TENM4: variants seen among roughly 807,000 people sequenced by gnomAD.
TENM4 encodes teneurin-4.
In TENM4, 82 loss-of-function variants were observed where a neutral mutation model predicts 243.3. The observed-to-expected ratio is 0.34, with a 90% CI of 0.28 to 0.40. TENM4 has a LOEUF of 0.40. Among genes scored for constraint, TENM4 ranks in the 10% least tolerant of loss-of-function variants. TENM4 has a pLI of 1.00. For missense variants in TENM4, 3,138 were observed against 3,673.3 expected (o/e 0.85, Z 3.77); for synonymous variants, 1,412 against 1,456.3 (o/e 0.97, Z 0.69).
intron 3 of TENM4, among the ~76,000 whole-genome samples, chr11:79,172,331 T>C (rs1323984203): frequency 6.6e-6 from 1 of 152,200 alleles, no homozygotes; most frequent in Admixed American, 6.5e-5. Flanking sequence ...ATCAGCCCAC[T>C]ACAGCCTCCT....
chr11:79,176,731 G>C (rs1863165241), intron 3 of TENM4, among the ~76,000 whole-genome samples: 1 of 152,038 alleles, frequency 6.6e-6, no homozygotes, highest in African/African-American at 2.4e-5. Context: ...ACAGTATTTA[G>C]TATATAGTAA....
At chr11:78,684,780 C>CT (rs1038646262) in intron 29 of TENM4, among the ~76,000 whole-genome samples, 18 of 152,290 alleles carry the variant, frequency 1.2e-4, no homozygotes, top group African/African-American at 3.6e-4. Context: ...ATATGCGGTA[C>CT]TATATGAGGT....
intron 19 of TENM4, among the ~76,000 whole-genome samples, chr11:78,746,112 C>T (rs1856046015): frequency 6.6e-6 from 1 of 152,198 alleles, no homozygotes. Context: ...TAGTCTCCTT[C>T]AGATTGACAG....
chr11:79,202,152 T>A (rs1364377880), intron 3 of TENM4, among the ~76,000 whole-genome samples: 2 of 152,164 alleles, frequency 1.3e-5, no homozygotes, highest in East Asian at 3.9e-4. Context: ...CTGCCTCCTG[T>A]AGACACTGGT....
chr11:79,066,619 T>C (rs1009371134), intron 5 of TENM4, among the ~76,000 whole-genome samples: 13 of 146,604 alleles, frequency 8.9e-5, no homozygotes, highest in South Asian at 2.2e-4. Flanking sequence ...CACACACACG[T>C]GCGCACACAC....
At chr11:78,896,855 T>G (rs1200465295) in intron 7 of TENM4, among the ~76,000 whole-genome samples, 1 of 152,126 alleles carries the variant, frequency 6.6e-6, no homozygotes, top group Non-Finnish European at 1.5e-5. Flanking sequence ...TGTCTGTGCT[T>G]CAGATTCTTC....
intron 9 of TENM4, among the ~76,000 whole-genome samples, chr11:78,866,251 T>C (rs188585721): frequency 3.5e-4 from 53 of 152,266 alleles, no homozygotes; most frequent in Admixed American, 3.0e-3. Context: ...TACAGACGAA[T>C]CAGATATATG....
At chr11:79,317,760 C>T (rs1006479455) in intron 1 of TENM4, among the ~76,000 whole-genome samples, 16 of 152,280 alleles carry the variant, frequency 1.1e-4, no homozygotes, top group African/African-American at 2.2e-4. Context: ...TAGTTTCAAA[C>T]GCCCCAATGT....
At chr11:79,028,865 G>T (rs528786772) in intron 6 of TENM4, among the ~76,000 whole-genome samples, 1 of 152,246 alleles carries the variant, frequency 6.6e-6, no homozygotes, top group African/African-American at 2.4e-5. Flanking sequence ...TTCAATTTTA[G>T]AAGTATTGTT....
At chr11:79,177,923 A>G (rs1863199564) in intron 3 of TENM4, among the ~76,000 whole-genome samples, 1 of 152,174 alleles carries the variant, frequency 6.6e-6, no homozygotes, top group Non-Finnish European at 1.5e-5. Context: ...GGGAACCTTT[A>G]GAAGGTTTTA....
chr11:79,387,868 G>C (rs1361634127), intron 1 of TENM4, among the ~76,000 whole-genome samples: 1 of 152,154 alleles, frequency 6.6e-6, no homozygotes, highest in African/African-American at 2.4e-5. Context: ...AGCCAGGTGT[G>C]GTGGCATGTG....
At chr11:79,238,353 C>A (rs551432433) in intron 2 of TENM4, among the ~76,000 whole-genome samples, 6 of 152,180 alleles carry the variant, frequency 3.9e-5, no homozygotes, top group African/African-American at 1.4e-4. Context: ...AGATTGGAGA[C>A]CCCCCTCAAC....
chr11:79,324,781 T>C (rs1486146179), intron 1 of TENM4, among the ~76,000 whole-genome samples: 1 of 152,204 alleles, frequency 6.6e-6, no homozygotes, highest in Non-Finnish European at 1.5e-5. Flanking sequence ...TAGATGACAC[T>C]GCTGCTGTCC....
intron 6 of TENM4, among the ~76,000 whole-genome samples, chr11:78,953,277 C>T (rs368362306): frequency 1.3e-5 from 2 of 152,156 alleles, no homozygotes; most frequent in Non-Finnish European, 2.9e-5. Flanking sequence ...CTGTCCCACC[C>T]GAAATCTCTG....
intron 6 of TENM4, among the ~76,000 whole-genome samples, chr11:78,929,850 TG>T (rs1856631868): frequency 6.6e-6 from 1 of 152,220 alleles, no homozygotes; most frequent in African/African-American, 2.4e-5. Context: ...CCTTCTCTGC[TG>T]GGAGCCTATT....
At chr11:79,209,598 T>C (rs1355686122) in intron 3 of TENM4, among the ~76,000 whole-genome samples, 1 of 152,204 alleles carries the variant, frequency 6.6e-6, no homozygotes, top group African/African-American at 2.4e-5. Context: ...GCGGGCATCC[T>C]GAGTGCTCTG....
chr11:79,256,514 A>G (rs932955977), intron 2 of TENM4, among the ~76,000 whole-genome samples: 5 of 152,168 alleles, frequency 3.3e-5, no homozygotes, highest in African/African-American at 1.2e-4. Context: ...AGATCTGACA[A>G]CTCGATTTCA....
At chr11:79,262,367 A>T (rs1212601879) in intron 2 of TENM4, among the ~76,000 whole-genome samples, 1 of 152,204 alleles carries the variant, frequency 6.6e-6, no homozygotes, top group Non-Finnish European at 1.5e-5. Context: ...CTGACACTCC[A>T]ATCTGGACTC....
At chr11:78,872,290 C>T (rs1046790014) in intron 9 of TENM4, among the ~76,000 whole-genome samples, 1 of 152,178 alleles carries the variant, frequency 6.6e-6, no homozygotes, top group Admixed American at 6.5e-5. Context: ...TTCTAGGAAG[C>T]GGCTCCACAC....
Sources: gnomAD v4.1 joint callset for allele counts (sites outside exome capture counted in the v4.1 genomes callset) on GRCh38, gnomAD v4.1.1 for gene constraint, MANE v1.5 for transcripts, NCBI Gene and HGNC (gene_info 2026-07-23, HGNC 2026-07-21) for gene names.